The following GFPT2 variants were observed in gnomAD, a reference collection of about 807,000 sequenced individuals.
GFPT2 encodes glutamine--fructose-6-phosphate transaminase 2.
In GFPT2, 62 loss-of-function variants were observed where a neutral mutation model predicts 85.6. That is an observed-to-expected ratio of 0.72 (90% CI 0.59 to 0.90). GFPT2 has a LOEUF of 0.90. Among genes scored for constraint, GFPT2 ranks in the 40% least tolerant of loss-of-function variants. The pLI is 0.00. For missense variants in GFPT2, 788 were observed against 893.4 expected (o/e 0.88, Z 1.50); for synonymous variants, 368 against 344.5 (o/e 1.07, Z -0.75).
intron 7 of GFPT2, among the ~76,000 whole-genome samples, chr5:180,327,853 G>A (rs1764237169): frequency 6.6e-6 from 1 of 152,224 alleles, no homozygotes; most frequent in African/African-American, 2.4e-5. Flanking sequence ...GGGCCTTCAA[G>A]GCCTCTGCTG....
At position 180,353,202 on chromosome 5, in the gene GFPT2, G is replaced by T; in HGVS notation, c.7+9C>A. ...TGGAGGAGGCGGCTCGGGCGGGCGC[G>T]GCACTCACCGCACATCGTGGCTGCT... On this transcript the variant is annotated intron_variant, in intron 1 of 18. Transcript: ENST00000253778. The T allele has an allele frequency of 8.1e-7, 1 of 1,237,286 alleles. No individual in the cohort carries two copies. The highest frequency in any genetic ancestry group is 4.2e-5 in the Admixed American group (1 of 23,916). The allele number at this position is 1,237,286 out of a possible 1,614,324, so 76.6% of individuals were successfully genotyped here.
intron 17 of GFPT2, among the ~76,000 whole-genome samples, chr5:180,303,203 C>T (rs1422352210): frequency 6.7e-6 from 1 of 149,366 alleles, no homozygotes; most frequent in African/African-American, 2.5e-5. Context: ...GCACTCCAGC[C>T]TGGGCGACAG....
chr5:180,306,403 C>A (rs1262455756), intron 16 of GFPT2, among the ~76,000 whole-genome samples: 1 of 152,218 alleles, frequency 6.6e-6, no homozygotes. Flanking sequence ...AGCACTGTCC[C>A]CGTCACCTGG....
intron 1 of GFPT2, among the ~76,000 whole-genome samples, chr5:180,345,985 C>T (rs115703565): frequency 0.015 from 2,316 of 152,094 alleles, 39 homozygotes; most frequent in Admixed American, 0.03. Context: ...ACAACACCCC[C>T]GGCCCCATGC....
In GFPT2 at chr5:180,328,370, G is replaced by T; in HGVS notation, c.535-32C>A. The T allele has an allele frequency of 1.9e-6, 3 of 1,570,336 alleles. No individual in the cohort carries two copies. Among genetic ancestry groups the T allele is most frequent in the Non-Finnish European group, 2.6e-6 (3 of 1,141,068 alleles). The stretch of plus-strand genomic sequence containing the variant: ...ACACACAAACAGTGAGGGTCAACGC[G>T]TTCCAGCAGCCGCTGCTGCAGCCTG... On this transcript the variant is annotated intron_variant, in intron 6 of 18. Transcript: ENST00000253778. This position sits in a 1 kb window ranked among gnomAD's most constrained non-coding sequence, Gnocchi z 5.4.
intron 2 of GFPT2, among the ~76,000 whole-genome samples, chr5:180,336,867 C>T (rs1315991001): frequency 6.6e-6 from 1 of 152,260 alleles, no homozygotes; most frequent in African/African-American, 2.4e-5. Flanking sequence ...CGCTCCCAGG[C>T]CCTCGGCTGA....
intron 13 of GFPT2, among the ~76,000 whole-genome samples, chr5:180,314,904 G>A (rs1763971636): frequency 6.6e-6 from 1 of 152,186 alleles, no homozygotes; most frequent in South Asian, 2.1e-4. Flanking sequence ...CTCCACCTCT[G>A]TTCTTTTGTT....
At position 180,336,062 on chromosome 5, in the gene GFPT2, A is replaced by G. The variant is rs926971783; in HGVS notation, c.215-109T>C. ...AAGTCACGTCACCCACACCGATGGCACCTCCCCACCAGCTCCCACCCTGGG... is the reference window on the plus strand; with the variant it reads ...AAGTCACGTCACCCACACCGATGGCGCCTCCCCACCAGCTCCCACCCTGGG... On this transcript the variant is annotated intron_variant, in intron 3 of 18. Coordinates refer to ENST00000253778, the MANE Select transcript of GFPT2 (RefSeq NM_005110.4). The G allele has an allele frequency of 2.1e-5, 22 of 1,060,262 alleles. No individual in the cohort carries two copies. The Admixed American group carries it at 3.8e-4, about 18-fold the overall frequency. 65.7% of individuals were successfully genotyped at this position (1,060,262 alleles called of 1,614,324 possible). A position where few individuals can be genotyped will look rare whatever the true frequency, so the allele number is the denominator to read the frequency against.
intron 1 of GFPT2, chr5:180,352,478 C>T (rs1764729702): frequency 2.2e-6 from 1 of 452,022 alleles, no homozygotes; most frequent in Non-Finnish European, 4.4e-6. Context: ...CCGCCCTCCC[C>T]ACGGTCCCGC....
At chr5:180,313,221 C>T (rs919878018) in intron 14 of GFPT2, among the ~76,000 whole-genome samples, 2 of 152,082 alleles carry the variant, frequency 1.3e-5, no homozygotes, top group African/African-American at 4.8e-5. Context: ...AAATAAGCAT[C>T]TCCAAGGTGC....
At chr5:180,309,768 G>A (rs2127647407) in intron 15 of GFPT2, among the ~76,000 whole-genome samples, 1 of 151,822 alleles carries the variant, frequency 6.6e-6, no homozygotes, top group African/African-American at 2.4e-5. Flanking sequence ...ATTACAAAGA[G>A]TTGCAATTTA....
intron 1 of GFPT2, among the ~76,000 whole-genome samples, chr5:180,348,689 T>C (rs1311128129): frequency 1.3e-5 from 2 of 151,974 alleles, no homozygotes; most frequent in Non-Finnish European, 2.9e-5. Flanking sequence ...CATGAGATAA[T>C]AGACTCTGCT....
chr5:180,309,625 T>A (rs879489285), intron 15 of GFPT2, among the ~76,000 whole-genome samples: 1 of 152,046 alleles, frequency 6.6e-6, no homozygotes, highest in Non-Finnish European at 1.5e-5. Context: ...TTGGTCAGGC[T>A]GGTCTCGAAC....
chr5:180,345,514 G>A (rs566662833), intron 1 of GFPT2, among the ~76,000 whole-genome samples: 39 of 152,390 alleles, frequency 2.6e-4, no homozygotes, highest in Middle Eastern at 3.4e-3. Context: ...TCGCAAAGGC[G>A]CCTCTGACCC....
At chr5:180,341,161 A>T (rs1340441218) in intron 1 of GFPT2, among the ~76,000 whole-genome samples, 1 of 152,170 alleles carries the variant, frequency 6.6e-6, no homozygotes, top group Admixed American at 6.5e-5. Context: ...TCAGGACTTA[A>T]ACACTCCTAC....
At chr5:180,305,453 T>C (rs1420657535) in intron 16 of GFPT2, among the ~76,000 whole-genome samples, 1 of 152,206 alleles carries the variant, frequency 6.6e-6, no homozygotes, top group African/African-American at 2.4e-5. Flanking sequence ...GGTAGATCCA[T>C]CTCTATTCAG....
intron 9 of GFPT2, among the ~76,000 whole-genome samples, chr5:180,321,918 G>T (rs375444389): frequency 2.6e-5 from 4 of 152,082 alleles, no homozygotes; most frequent in African/African-American, 9.7e-5. Flanking sequence ...CGAGTAGCTG[G>T]GACTACAGGC....
chr5:180,329,101 T>C (rs371252832), intron 6 of GFPT2, among the ~76,000 whole-genome samples: 5 of 152,224 alleles, frequency 3.3e-5, no homozygotes, highest in East Asian at 3.9e-4. Flanking sequence ...CATCCTGTAC[T>C]AACTTACCGC....
chr5:180,342,687 G>A (rs1280136384), intron 1 of GFPT2, among the ~76,000 whole-genome samples: 1 of 152,164 alleles, frequency 6.6e-6, no homozygotes, highest in Non-Finnish European at 1.5e-5. Context: ...AGATCATGAG[G>A]TCAGGAGCTC....
Sources: allele counts gnomAD v4.1 joint callset (sites outside exome capture counted in the v4.1 genomes callset), GRCh38; gene constraint gnomAD v4.1.1; non-coding constraint Gnocchi (gnomAD v3.1); transcripts MANE v1.5; gene names NCBI Gene and HGNC (gene_info 2026-07-23, HGNC 2026-07-21).